DISC1: variants seen among roughly 807,000 people sequenced by gnomAD.
DISC1 encodes the protein DISC1 scaffold protein.
A neutral mutation model predicts 84.5 loss-of-function variants in DISC1; 57 were observed. The ratio of observed to expected loss-of-function variants is 0.67; its 90% CI spans 0.55 to 0.84. The LOEUF (loss-of-function observed/expected upper bound fraction) is 0.84, where lower values mean the gene tolerates loss of function less well. Among genes scored for constraint, DISC1 ranks in the 40% least tolerant of loss-of-function variants. The pLI is 0.00. For missense variants in DISC1, 1,000 were observed against 1,057.8 expected (o/e 0.95, Z 0.76); for synonymous variants, 411 against 415.2 (o/e 0.99, Z 0.12).
intron 9 of DISC1, among the ~76,000 whole-genome samples, chr1:231,890,022 C>G (rs1193206262): frequency 2.0e-5 from 3 of 152,136 alleles, no homozygotes; most frequent in African/African-American, 7.2e-5. Flanking sequence ...TCTAGTACTT[C>G]TTGGGTTTGG....
chr1:231,643,208 G>A (rs2059868296), intron 1 of DISC1, among the ~76,000 whole-genome samples: 3 of 152,140 alleles, frequency 2.0e-5, no homozygotes, highest in South Asian at 4.1e-4. Flanking sequence ...CTGGAACCCC[G>A]AAAGAGCCAG....
At position 231,975,730 on chromosome 1, in the gene DISC1, C is replaced by A. The variant is rs183043002; in HGVS notation, c.2042+16842C>A. Among the ~76,000 whole-genome samples the A allele has an allele frequency of 3.4e-3, 519 of 152,294 alleles. 6 individuals are homozygous for A. Among genetic ancestry groups the A allele is most frequent in the African/African-American group, 0.012 (511 of 41,570 alleles). ...GAAGTGAAACAAGCCAGACACAGAA[C>A]ATCAAATATCGTGTGTTCTCACTCC... On this transcript the variant is annotated intron_variant, in intron 10 of 12. Transcript: ENST00000439617.
At chr1:231,701,609 G>A (rs962942870) in intron 2 of DISC1, among the ~76,000 whole-genome samples, 2 of 152,150 alleles carry the variant, frequency 1.3e-5, no homozygotes, top group Non-Finnish European at 2.9e-5. Flanking sequence ...TAATTTAAAT[G>A]TGAGGTTTAG....
chr1:231,989,044 TC>T (rs1431710415), intron 10 of DISC1, among the ~76,000 whole-genome samples: 1 of 152,234 alleles, frequency 6.6e-6, no homozygotes, highest in Non-Finnish European at 1.5e-5. Context: ...GTCCCTTTCA[TC>T]CATGTGGCTC....
intron 6 of DISC1, among the ~76,000 whole-genome samples, chr1:231,787,902 T>A (rs1347369552): frequency 6.6e-6 from 1 of 152,120 alleles, no homozygotes; most frequent in Admixed American, 6.5e-5. Flanking sequence ...TTGTCTTCCT[T>A]CCCATGCCAG....
intron 10 of DISC1, among the ~76,000 whole-genome samples, chr1:231,969,182 AGCG>A (rs1431286163): frequency 8.1e-6 from 1 of 123,708 alleles, no homozygotes; most frequent in Non-Finnish European, 1.7e-5. Flanking sequence ...CCAAACACTC[AGCG>A]GTTTTTTTTT....
At chr1:231,662,412 G>C (rs1362871306) in intron 1 of DISC1, among the ~76,000 whole-genome samples, 1 of 152,194 alleles carries the variant, frequency 6.6e-6, no homozygotes, top group Non-Finnish European at 1.5e-5. Flanking sequence ...ATCCGAGGGA[G>C]AGGTCAGAGT....
At chr1:231,718,878 C>T (rs762551578) in intron 3 of DISC1, among the ~76,000 whole-genome samples, 3 of 152,172 alleles carry the variant, frequency 2.0e-5, no homozygotes, top group Middle Eastern at 3.2e-3. Flanking sequence ...GTGGCTCATG[C>T]CACAATCCTA....
intron 9 of DISC1, among the ~76,000 whole-genome samples, chr1:231,836,348 G>T (rs1222992066): frequency 1.3e-5 from 2 of 152,136 alleles, no homozygotes; most frequent in Non-Finnish European, 2.9e-5. Flanking sequence ...TAAGGAGGGG[G>T]TTCAAAGAAA....
At chr1:231,858,043 A>G (rs6684303) in intron 9 of DISC1, among the ~76,000 whole-genome samples, 6,556 of 152,280 alleles carry the variant, frequency 0.043, 460 homozygotes, top group African/African-American at 0.15. Flanking sequence ...CGGGCTAAAC[A>G]CAATTGTGGA....
At chr1:231,886,299 A>G (rs1442243706) in intron 9 of DISC1, among the ~76,000 whole-genome samples, 1 of 152,236 alleles carries the variant, frequency 6.6e-6, no homozygotes, top group Non-Finnish European at 1.5e-5. Context: ...ATTAAATAAT[A>G]TTGACATGGC....
intron 3 of DISC1, among the ~76,000 whole-genome samples, chr1:231,716,270 G>A (rs1160115255): frequency 7.1e-6 from 1 of 140,562 alleles, no homozygotes; most frequent in African/African-American, 2.7e-5. Flanking sequence ...TTTTCTGTTT[G>A]GCAATAAGAA....
chr1:232,017,480 C>CTTTTTTTTTTTTTTTTTTTTTT (rs56672398), intron 11 of DISC1, among the ~76,000 whole-genome samples: 1 of 132,820 alleles, frequency 7.5e-6, no homozygotes. Flanking sequence ...AACACCTGTC[C>CTTTTTTTTTTTTTTTTTTTTTT]TTTTTTTTTT....
chr1:231,861,647 T>C (rs1424555590), intron 9 of DISC1, among the ~76,000 whole-genome samples: 5 of 152,148 alleles, frequency 3.3e-5, no homozygotes, highest in African/African-American at 1.2e-4. Flanking sequence ...TTTTGGTAGA[T>C]CTTAGTGATT....
At chr1:231,642,821 C>A (rs116707426) in intron 1 of DISC1, among the ~76,000 whole-genome samples, 3,864 of 152,286 alleles carry the variant, frequency 0.025, 169 homozygotes, top group African/African-American at 0.088. Context: ...TTCAGCTCAG[C>A]AGAGCGTCTG....
At chr1:231,849,340 G>C (rs2083702251) in intron 9 of DISC1, among the ~76,000 whole-genome samples, 1 of 152,074 alleles carries the variant, frequency 6.6e-6, no homozygotes, top group Non-Finnish European at 1.5e-5. Flanking sequence ...GGCTGGTCTT[G>C]AACTCCCTAC....
intron 1 of DISC1, among the ~76,000 whole-genome samples, chr1:231,689,683 A>G (rs2064750588): frequency 6.6e-6 from 1 of 152,182 alleles, no homozygotes; most frequent in African/African-American, 2.4e-5. Context: ...TTTCATATTT[A>G]AAAATGAATA....
At chr1:231,728,683 C>T (rs1229055885) in intron 3 of DISC1, among the ~76,000 whole-genome samples, 1 of 152,166 alleles carries the variant, frequency 6.6e-6, no homozygotes, top group African/African-American at 2.4e-5. Flanking sequence ...CATTCTGTTA[C>T]TATTGCATTT....
At chr1:231,685,211 G>A (rs551642082) in intron 1 of DISC1, 5 of 152,238 alleles carry the variant, frequency 3.3e-5, no homozygotes, top group Admixed American at 6.5e-5. Flanking sequence ...TCTTCATATC[G>A]ATGTCTACCT....
Sources: gnomAD v4.1 joint callset for allele counts (sites outside exome capture counted in the v4.1 genomes callset) on GRCh38, gnomAD v4.1.1 for gene constraint, MANE v1.5 for transcripts, NCBI Gene and HGNC (gene_info 2026-07-23, HGNC 2026-07-21) for gene names.